ZNF568: variants seen among roughly 807,000 people sequenced by gnomAD.
ZNF568 encodes the protein p53 inhibitor of SCO2 activation.
In ZNF568, 11 loss-of-function variants were observed where a neutral mutation model predicts 18.1. The observed-to-expected ratio is 0.61, with a 90% CI of 0.38 to 1.00. The LOEUF (loss-of-function observed/expected upper bound fraction) is 1.00. ZNF568 is among the 50% of genes least tolerant of loss of function. The pLI is 0.01. For synonymous variants in ZNF568, 213 were observed against 246.6 expected (o/e 0.86, Z 1.28); for missense variants, 639 against 768.2 (o/e 0.83, Z 1.99).
chr19:36,996,989 C>A lies in ZNF568; in HGVS notation c.902C>A (p.Thr301Asn), dbSNP rs1313924956. The change falls in exon 5 of 5, where the codon ACC (threonine) becomes AAC (asparagine). Residue 301 changes from threonine (T) to asparagine (N), a missense_variant. Transcript: ENST00000433993. ...AGTAAGGCGTGTGGGAAGGCCTTTACCCGTCCCTCACACCTTTTTCGACAT... is the reference window on the plus strand; with the variant it reads ...AGTAAGGCGTGTGGGAAGGCCTTTAACCGTCCCTCACACCTTTTTCGACAT... 2.6e-6 allele frequency: 4 copies of A among 1,544,192 alleles called. No homozygotes were observed. The South Asian group carries it at 4.7e-5, about 18-fold the overall frequency.
At chr19:36,956,624 G>C (rs1391249139), downstream of ZNF568, among the ~76,000 whole-genome samples, 3 of 151,278 alleles carry the variant, frequency 2.0e-5, no homozygotes, top group Non-Finnish European at 2.9e-5. Flanking sequence ...TTGAGACAGG[G>C]TGTCACTCTG....
At chr19:36,975,152 C>CTTTCTTT (rs1555738274) in intron 7 of ZNF568, among the ~76,000 whole-genome samples, 4 of 126,550 alleles carry the variant, frequency 3.2e-5, no homozygotes, top group East Asian at 2.3e-4. Flanking sequence ...TTCTTTCTTT[C>CTTTCTTT]TTTTTTTTTT....
intron 6 of ZNF568, among the ~76,000 whole-genome samples, chr19:36,944,142 T>C (rs976901417): frequency 1.1e-4 from 16 of 150,630 alleles, no homozygotes; most frequent in Admixed American, 2.0e-4. Flanking sequence ...CTCATGACTG[T>C]AATCCCAGCA....
At chr19:36,931,920 G>C (rs2073693302) in intron 4 of ZNF568, among the ~76,000 whole-genome samples, 1 of 151,888 alleles carries the variant, frequency 6.6e-6, no homozygotes, top group African/African-American at 2.4e-5. Flanking sequence ...ATGTAGGCAA[G>C]AATAAATGAT....
downstream of ZNF568, among the ~76,000 whole-genome samples, chr19:36,984,165 C>T (rs2074356005): frequency 6.6e-6 from 1 of 152,140 alleles, no homozygotes; most frequent in African/African-American, 2.4e-5. Flanking sequence ...TCCCAAAGTG[C>T]TGGGATTACA....
At chr19:36,923,596 T>C (rs1013413235) in intron 3 of ZNF568, among the ~76,000 whole-genome samples, 1 of 150,988 alleles carries the variant, frequency 6.6e-6, no homozygotes, top group Admixed American at 6.7e-5. Flanking sequence ...GCATCTGGTA[T>C]GCCTGAAATT....
At chr19:36,993,425 C>G (rs1296317438) in intron 4 of ZNF568, among the ~76,000 whole-genome samples, 1 of 152,106 alleles carries the variant, frequency 6.6e-6, no homozygotes, top group African/African-American at 2.4e-5. Context: ...ATACAGGCCT[C>G]AGAATTAGAA....
intron 6 of ZNF568, among the ~76,000 whole-genome samples, chr19:36,969,209 C>T (rs891583287): frequency 3.3e-5 from 5 of 151,886 alleles, no homozygotes; most frequent in Non-Finnish European, 7.4e-5. Context: ...TTGAAACTTG[C>T]CAAAATAAAC....
At chr19:36,966,050 G>T (rs1442625060) in intron 6 of ZNF568, among the ~76,000 whole-genome samples, 1 of 151,236 alleles carries the variant, frequency 6.6e-6, no homozygotes, top group Non-Finnish European at 1.5e-5. Flanking sequence ...CGTGTGGTGG[G>T]TCCTCAGGCA....
At chr19:36,972,382 AT>A (rs762100975) in intron 6 of ZNF568, among the ~76,000 whole-genome samples, 34 of 152,038 alleles carry the variant, frequency 2.2e-4, no homozygotes, top group Middle Eastern at 3.4e-3. Context: ...GTTTTCCGTT[AT>A]TTCCGCTGCA....
intron 6 of ZNF568, among the ~76,000 whole-genome samples, chr19:36,972,776 A>T (rs1667333): frequency 0.58 from 88,744 of 152,062 alleles, 26,954 homozygotes; most frequent in African/African-American, 0.74. Flanking sequence ...GGCTTTTTAC[A>T]GCACTTGTGA....
chr19:36,974,461 G>A, exon 7 of ZNF568: 1 of 1,536,092 alleles, frequency 6.5e-7, no homozygotes, highest in Non-Finnish European at 8.7e-7. Flanking sequence ...TGAAGTGATG[G>A]CGGAGGTAAG....
At chr19:36,962,685 T>C (rs983338023) in intron 6 of ZNF568, among the ~76,000 whole-genome samples, 2 of 152,166 alleles carry the variant, frequency 1.3e-5, no homozygotes, top group Non-Finnish European at 1.5e-5. Flanking sequence ...CAAATTTCCT[T>C]AGCATTTGCT....
At chr19:36,974,858 G>A (rs1644648) in intron 7 of ZNF568, among the ~76,000 whole-genome samples, 77,378 of 142,262 alleles carry the variant, frequency 0.54, 21,520 homozygotes, top group African/African-American at 0.65. Flanking sequence ...ACAGAGTCTC[G>A]TTCTGTTGCC....
downstream of ZNF568, among the ~76,000 whole-genome samples, chr19:36,983,911 T>TTTG (rs1555739513): frequency 2.1e-5 from 3 of 144,510 alleles, no homozygotes; most frequent in African/African-American, 8.0e-5. Flanking sequence ...TTTTTTTTTT[T>TTTG]TTGTTGAGAC....
intron 6 of ZNF568, among the ~76,000 whole-genome samples, chr19:36,972,868 G>T (rs1259312954): frequency 6.6e-6 from 1 of 152,188 alleles, no homozygotes; most frequent in Non-Finnish European, 1.5e-5. Flanking sequence ...TTAACTTCGC[G>T]GACTCTGGAA....
At position 36,950,907 on chromosome 19, in the gene ZNF568, C is replaced by A; in HGVS notation, c.1754C>A (p.Pro585His). ...LHVRSHTGEKPYECNKCGKAF... is the reference protein window; with the variant it reads ...LHVRSHTGEKHYECNKCGKAF... ...GTGAGAAGTCACACAGGGGAGAAAC[C>A]CTATGAATGTAATAAATGTGGGAAA... Residue 585 changes from proline to histidine, a missense_variant, in exon 7 of 7, where the codon CCC (proline) becomes CAC (histidine). Coordinates refer to ENST00000333987, the MANE Select transcript of ZNF568 (RefSeq NM_198539.4). 6.2e-7 allele frequency: 1 copy of A among 1,613,570 alleles called. No individual in the cohort carries two copies. The highest frequency in any genetic ancestry group is 1.1e-5 in the South Asian group (1 of 90,984).
At chr19:36,962,300 T>TTTTTTTTC (rs2074159960) in intron 6 of ZNF568, among the ~76,000 whole-genome samples, 2 of 97,832 alleles carry the variant, frequency 2.0e-5, no homozygotes, top group Non-Finnish European at 4.3e-5. Context: ...TTTTTTTTTT[T>TTTTTTTTC]GCTTCCAGGT....
At chr19:36,955,424 T>C (rs2074100649), downstream of ZNF568, among the ~76,000 whole-genome samples, 1 of 152,120 alleles carries the variant, frequency 6.6e-6, no homozygotes, top group Non-Finnish European at 1.5e-5. Context: ...TGGCTGAACC[T>C]ATCAGGTGAG....
Sources: allele counts gnomAD v4.1 joint callset (sites outside exome capture counted in the v4.1 genomes callset), GRCh38; gene constraint gnomAD v4.1.1; transcripts MANE v1.5; gene names NCBI Gene and HGNC (gene_info 2026-07-23, HGNC 2026-07-21).